The following VSIG10 variants were observed in gnomAD, a reference collection of about 807,000 sequenced individuals.
The protein encoded by VSIG10 is V-set and immunoglobulin domain-containing protein 10.
VSIG10 carries 48 observed loss-of-function variants against 58.7 expected under a neutral mutation model. The ratio of observed to expected loss-of-function variants is 0.82; its 90% CI spans 0.65 to 1.04. The LOEUF (loss-of-function observed/expected upper bound fraction) is 1.04, where lower values mean the gene tolerates loss of function less well. Ranked by LOEUF, VSIG10 falls within the 50% of genes least tolerant of loss-of-function variation. VSIG10 has a pLI of 0.00. For synonymous variants in VSIG10, 260 were observed against 267.1 expected (o/e 0.97, Z 0.26); for missense variants, 628 against 670.0 (o/e 0.94, Z 0.69).
At chr12:118,074,067 G>A (rs2032613233) in intron 4 of VSIG10, 75 bp from the exon 5 acceptor site, 3 of 1,399,536 alleles carry the variant, frequency 2.1e-6, no homozygotes, top group Non-Finnish European at 2.9e-6. Context: ...CAGGAAAACT[G>A]CAGTAGTTTT....
chr12:118,092,289 T>A (rs944635772), intron 2 of VSIG10, among the ~76,000 whole-genome samples: 15 of 152,080 alleles, frequency 9.9e-5, no homozygotes, highest in Non-Finnish European at 5.9e-5. Flanking sequence ...GGTCTCAGAC[T>A]CCTGGGCTCA....
intron 7 of VSIG10, 30 bp downstream of exon 7, chr12:118,071,022 G>C (rs768173619): frequency 1.3e-6 from 2 of 1,599,416 alleles, no homozygotes; most frequent in Admixed American, 3.5e-5. Flanking sequence ...GCGGGAATGG[G>C]TGTTTGGTTT....
chr12:118,099,981 T>G (rs2033581101), intron 1 of VSIG10, among the ~76,000 whole-genome samples: 1 of 152,192 alleles, frequency 6.6e-6, no homozygotes, highest in Non-Finnish European at 1.5e-5. Context: ...AAACACCAAA[T>G]TTTAAAAACT....
At position 118,066,573 on chromosome 12, in the gene VSIG10, A is replaced by G. The variant is rs2032253263; in HGVS notation, c.*66T>C. 2.5e-6 allele frequency: 4 copies of G among 1,578,386 alleles called. No individual in the cohort carries two copies. In the Admixed American group the frequency reaches 6.7e-5, roughly 26 times the overall value. On this transcript the variant is annotated 3_prime_UTR_variant, in exon 9 of 9. Transcript: ENST00000359236. ...GTGCAGGTGGAGTCAAAGCTGAATGAAGAGCTCGTCTTCAATGTAGCTCTC... is the reference window on the plus strand; with the variant it reads ...GTGCAGGTGGAGTCAAAGCTGAATGGAGAGCTCGTCTTCAATGTAGCTCTC...
intron 2 of VSIG10, among the ~76,000 whole-genome samples, chr12:118,087,894 C>T: frequency 6.9e-6 from 1 of 144,568 alleles, no homozygotes; most frequent in Admixed American, 7.1e-5. Flanking sequence ...CTAGCAACTA[C>T]ATCAGTGAAA....
chr12:118,068,922 T>A (rs201624773), intron 7 of VSIG10, among the ~76,000 whole-genome samples: 5 of 152,140 alleles, frequency 3.3e-5, no homozygotes, highest in Non-Finnish European at 7.3e-5. Flanking sequence ...CTGCTCTACT[T>A]ACCAAAATCT....
chr12:118,094,818 C>G (rs1383342946), intron 2 of VSIG10, among the ~76,000 whole-genome samples: 1 of 151,794 alleles, frequency 6.6e-6, no homozygotes, highest in East Asian at 1.9e-4. Context: ...CTCACTGCAA[C>G]CTCCGCCTCC....
At chr12:118,101,187 T>C (rs975614557) in intron 1 of VSIG10, among the ~76,000 whole-genome samples, 12 of 152,124 alleles carry the variant, frequency 7.9e-5, no homozygotes, top group African/African-American at 2.9e-4. Flanking sequence ...AGTCCAGAGA[T>C]GTGGCTGCCC....
At chr12:118,077,799 A>G (rs983639694) in intron 4 of VSIG10, among the ~76,000 whole-genome samples, 18 of 152,306 alleles carry the variant, frequency 1.2e-4, no homozygotes, top group Non-Finnish European at 1.5e-5. Context: ...GTTGCCAGGC[A>G]TGGGAGTGAG....
chr12:118,100,390 G>A (rs747781508), intron 1 of VSIG10, among the ~76,000 whole-genome samples: 10 of 152,094 alleles, frequency 6.6e-5, no homozygotes, highest in African/African-American at 1.4e-4. Context: ...CCACCTACTC[G>A]GGAGGCTGAG....
chr12:118,072,285 G>A (rs896939377), intron 5 of VSIG10, among the ~76,000 whole-genome samples: 3 of 151,600 alleles, frequency 2.0e-5, no homozygotes, highest in African/African-American at 7.3e-5. Flanking sequence ...CTAACACAGT[G>A]AAACCCCATC....
rs548567900 is a variant in VSIG10, at chr12:118,095,777, A to G, written c.117T>C (p.Asn39=). ...AGATGTTGCCACAGTGCAGAGTAAC[A>G]TTCTCATGAACTTCTCCAATGACAA... The part of the protein sequence containing the change: ...EAVVIGEVHE[N]VTLHCGNISG... The change falls in exon 2 of 9, where the codon AAT becomes AAC. Residue 39 remains asparagine, a synonymous_variant. Transcript: ENST00000359236. 1.9e-6 allele frequency: 3 copies of G among 1,612,288 alleles called. No individual in the cohort carries two copies. The African/African-American group carries it at 4.0e-5, about 22-fold the overall frequency.
intron 2 of VSIG10, among the ~76,000 whole-genome samples, chr12:118,088,157 A>C (rs1021394818): frequency 6.6e-5 from 10 of 151,042 alleles, no homozygotes; most frequent in African/African-American, 2.4e-4. Flanking sequence ...AGGCAGGAGA[A>C]TCACCTGAAC....
intron 5 of VSIG10, among the ~76,000 whole-genome samples, chr12:118,071,821 C>T (rs1054726082): frequency 4.6e-5 from 7 of 152,188 alleles, no homozygotes; most frequent in African/African-American, 1.2e-4. Flanking sequence ...CGGGTCCACA[C>T]GTAAGTATAA....
intron 4 of VSIG10, among the ~76,000 whole-genome samples, chr12:118,076,626 A>T (rs2032738150): frequency 1.3e-5 from 2 of 151,418 alleles, no homozygotes; most frequent in Admixed American, 1.3e-4. Flanking sequence ...GTCATGAGCT[A>T]CCACATCTGA....
chr12:118,079,292 G>T, intron 4 of VSIG10, 54 bp downstream of exon 4: 1 of 1,592,550 alleles, frequency 6.3e-7, no homozygotes, highest in South Asian at 1.1e-5. Flanking sequence ...GCTTCTCCTA[G>T]GAGAAAGGAA....
chr12:118,074,339 C>T (rs2032625719), intron 4 of VSIG10, among the ~76,000 whole-genome samples: 1 of 152,182 alleles, frequency 6.6e-6, no homozygotes, highest in Admixed American at 6.5e-5. Flanking sequence ...CCATCTCAGT[C>T]TCCCAAAGTG....
chr12:118,067,893 G>C (rs1442384115), intron 8 of VSIG10, among the ~76,000 whole-genome samples: 3 of 151,914 alleles, frequency 2.0e-5, no homozygotes, highest in Admixed American at 2.0e-4. Flanking sequence ...TTTTCATGTT[G>C]GTAGTTGATA....
At chr12:118,071,105 C>T in intron 6 of VSIG10, 38 bp from the exon 7 acceptor site, 16 of 1,579,428 alleles carry the variant, frequency 1.0e-5, no homozygotes, top group Non-Finnish European at 1.4e-5. Context: ...TATCCAGTAA[C>T]ATCCACTTCA....
Sources: gnomAD v4.1 joint callset for allele counts (sites outside exome capture counted in the v4.1 genomes callset) on GRCh38, gnomAD v4.1.1 for gene constraint, MANE v1.5 for transcripts, NCBI Gene and HGNC (gene_info 2026-07-23, HGNC 2026-07-21) for gene names.